The following PIK3R1 variants were observed in gnomAD, a reference collection of about 807,000 sequenced individuals.
PIK3R1 encodes the protein phosphatidylinositol 3-kinase regulatory subunit alpha.
Under a neutral mutation model 98.0 loss-of-function variants are expected in PIK3R1, and 29 were observed. That is an observed-to-expected ratio of 0.30 (90% confidence interval 0.22 to 0.40). The LOEUF (loss-of-function observed/expected upper bound fraction) is 0.40, where lower values mean the gene tolerates loss of function less well. PIK3R1 is among the 10% of genes least tolerant of loss of function. PIK3R1 has a pLI of 1.00. For missense variants in PIK3R1, 596 were observed against 872.7 expected (o/e 0.68, Z 3.99); for synonymous variants, 282 against 311.8 (o/e 0.90, Z 1.01).
At chr5:68,278,684 G>A (rs1433570726) in intron 4 of PIK3R1, among the ~76,000 whole-genome samples, 3 of 152,190 alleles carry the variant, frequency 2.0e-5, no homozygotes, top group Admixed American at 2.0e-4. Context: ...GCTCACACCT[G>A]TAATCCCAGC....
chr5:68,286,142 T>C (rs1747069003), intron 7 of PIK3R1, among the ~76,000 whole-genome samples: 1 of 152,344 alleles, frequency 6.6e-6, no homozygotes, highest in African/African-American at 2.4e-5. Context: ...TTTTCCTAAC[T>C]ATATCTGCTG....
intron 4 of PIK3R1, among the ~76,000 whole-genome samples, chr5:68,275,904 A>C (rs995113403): frequency 1.3e-5 from 2 of 152,230 alleles, no homozygotes; most frequent in Non-Finnish European, 2.9e-5. Flanking sequence ...GGCAGACAAT[A>C]GCCCACTTTT....
At chr5:68,295,679 T>A in intron 14 of PIK3R1, 191 bp downstream of exon 14, 1 of 601,286 alleles carries the variant, frequency 1.7e-6, no homozygotes, top group Non-Finnish European at 3.0e-6. Context: ...GGACTAGGAT[T>A]TATTTTTACT....
chr5:68,223,123 AATCATCATCATCATCATCATC>A (rs60144880), intron 1 of PIK3R1, among the ~76,000 whole-genome samples: 2,400 of 148,018 alleles, frequency 0.016, 78 homozygotes, highest in African/African-American at 0.058. Context: ...GTACAAACTC[AATCATCATCATCATCATCATC>A]ATCATCATCA....
intron 2 of PIK3R1, among the ~76,000 whole-genome samples, chr5:68,232,077 A>C (rs1744499489): frequency 6.6e-6 from 1 of 152,232 alleles, no homozygotes; most frequent in South Asian, 2.1e-4. Flanking sequence ...ATATATTTCT[A>C]CTGAAATATA....
chr5:68,268,103 A>G (rs1746198407), intron 2 of PIK3R1, among the ~76,000 whole-genome samples: 1 of 152,122 alleles, frequency 6.6e-6, no homozygotes, highest in African/African-American at 2.4e-5. Flanking sequence ...TATATTATTT[A>G]ATCCTTATTA....
rs1448963768 is a variant in PIK3R1, at chr5:68,250,664, G to T, written c.335-22726G>T. ...CCACCATTTATAAAGCTTTTTTGGG[G>T]AAAATGTGTTCTGGATTTCGCACAG... is the stretch of plus-strand genomic sequence containing the variant. On this transcript the variant is annotated intron_variant, in intron 2 of 15. Transcript: ENST00000521381. Among the ~76,000 whole-genome samples the T allele has an allele frequency of 5.9e-5, 9 of 152,108 alleles. No homozygotes were observed. The South Asian group carries it at 1.9e-3, about 31-fold the overall frequency.
At position 68,300,997 on chromosome 5, in the gene PIK3R1, G is replaced by T. The variant is rs1380406703; in HGVS notation, c.*3396G>T. 4.3e-6 allele frequency: 1 copy of T among 232,970 alleles called. No individual in the cohort carries two copies. Among genetic ancestry groups the T allele is most frequent in the Non-Finnish European group, 8.5e-6 (1 of 117,760 alleles). The allele number at this position is 232,970 out of a possible 1,614,324, so 14.4% of individuals were successfully genotyped here. On this transcript the variant is annotated 3_prime_UTR_variant, in exon 16 of 16. Transcript: ENST00000521381. ...ATTGCTTTGTCATATAGCTGGTTAT[G>T]AACTAGTAACATGTTTGGGAAGTCC...
chr5:68,279,616 G>T lies in PIK3R1; in HGVS notation c.517G>T (p.Asp173Tyr). The change falls in exon 5 of 16, where the codon GAC becomes TAC. Residue 173 changes from aspartate (D) to tyrosine (Y), a missense_variant. Asp to Tyr is a radical substitution (Grantham distance 160, BLOSUM62 -3). Transcript: ENST00000521381. ...TTGTTTCCTAGATACACCCTCCGTGGACTTGGAAATGATCGATGTGCACGT... is the reference window on the plus strand; with the variant it reads ...TTGTTTCCTAGATACACCCTCCGTGTACTTGGAAATGATCGATGTGCACGT... The part of the protein sequence containing the change: ...QLLDCDTPSV[D>Y]LEMIDVHVLA... The T allele has an allele frequency of 1.2e-6, 2 of 1,613,464 alleles. No individual in the cohort carries two copies. The highest frequency in any genetic ancestry group is 1.7e-6 in the Non-Finnish European group (2 of 1,179,690).
At chr5:68,281,187 T>A (rs906741001) in intron 7 of PIK3R1, among the ~76,000 whole-genome samples, 181 bp downstream of exon 7, 1 of 152,256 alleles carries the variant, frequency 6.6e-6, no homozygotes, top group Non-Finnish European at 1.5e-5. Flanking sequence ...TTAATTATTA[T>A]CCGAGTTTCA....
At chr5:68,240,346 T>C (rs1467856679) in intron 2 of PIK3R1, among the ~76,000 whole-genome samples, 2 of 152,244 alleles carry the variant, frequency 1.3e-5, no homozygotes, top group Admixed American at 6.5e-5. Context: ...TGTACAGTTA[T>C]ATTGTAACTG....
At position 68,221,474 on chromosome 5, in the gene PIK3R1, T is replaced by A. The variant is rs146849559; in HGVS notation, c.-386-4816T>A. ...CCCTTCCATACCCTCCTGCCTTGGT[T>A]GAAGACCCATTTCGTGCTGCCATCC... On this transcript the variant is annotated intron_variant, in intron 1 of 15. Transcript: ENST00000521381. Among the ~76,000 whole-genome samples the A allele has an allele frequency of 5.4e-3, 820 of 152,332 alleles. 6 individuals are homozygous for A. The highest frequency in any genetic ancestry group is 0.019 in the African/African-American group (797 of 41,568).
intron 2 of PIK3R1, among the ~76,000 whole-genome samples, chr5:68,253,983 C>CTTTTT (rs5868528): frequency 7.7e-6 from 1 of 129,588 alleles, no homozygotes; most frequent in Non-Finnish European, 1.6e-5. Context: ...CGTGGACCCC[C>CTTTTT]TTTTTTTTTT....
At chr5:68,252,321 G>T (rs1488283386) in intron 2 of PIK3R1, among the ~76,000 whole-genome samples, 1 of 151,016 alleles carries the variant, frequency 6.6e-6, no homozygotes, top group African/African-American at 2.4e-5. Flanking sequence ...TAAGTTGGCA[G>T]ATATGCTTAT....
chr5:68,296,321 C>A lies in PIK3R1; in HGVS notation c.1965C>A (p.Gly655=), dbSNP rs778812889. Residue 655 remains glycine, a synonymous_variant, in exon 15 of 16, where the codon GGC becomes GGA. Transcript: ENST00000521381. ...TTGTCCGGGAGAGCAGTAAACAGGG[C>A]TGCTATGCCTGCTCTGTAGTGTATG... The part of the protein sequence containing the change: ...TFLVRESSKQ[G]CYACSVVVDG... The A allele has an allele frequency of 6.2e-7, 1 of 1,614,052 alleles. No individual in the cohort carries two copies. The highest frequency in any genetic ancestry group is 1.1e-5 in the South Asian group (1 of 91,044).
At position 68,300,825 on chromosome 5, in the gene PIK3R1, A is replaced by G. The variant is rs957491151; in HGVS notation, c.*3224A>G. ...GTGAAAATTGTTTGTAAGTGAAGTG[A>G]GAAGTTCATATTTCTTTGGCTTTTT... is the stretch of plus-strand genomic sequence containing the variant. On this transcript the variant is annotated 3_prime_UTR_variant, in exon 16 of 16. Transcript: ENST00000521381. 3 of 233,182 alleles carry G rather than the reference A, an allele frequency of 1.3e-5. No individual in the cohort carries two copies. The East Asian group carries it at 1.8e-4, about 14-fold the overall frequency. The allele number at this position is 233,182 out of a possible 1,614,324, so 14.4% of individuals were successfully genotyped here.
intron 5 of PIK3R1, chr5:68,280,205 G>A: frequency 2.6e-6 from 1 of 380,586 alleles, no homozygotes; most frequent in African/African-American, 2.0e-5. Context: ...TAAAACCTGT[G>A]ATACTTATCT....
At chr5:68,241,379 AT>A (rs58188958) in intron 2 of PIK3R1, among the ~76,000 whole-genome samples, 40,978 of 115,634 alleles carry the variant, frequency 0.35, 5,830 homozygotes, top group Middle Eastern at 0.44. Context: ...GGTGGTTACA[AT>A]TTTTTTTGTT....
At chr5:68,292,101 T>A (rs1747425075) in intron 7 of PIK3R1, 158 bp from the exon 8 acceptor site, 3 of 454,762 alleles carry the variant, frequency 6.6e-6, no homozygotes, top group Admixed American at 7.7e-5. Flanking sequence ...AGATTTTTTT[T>A]AAGAAAATTA....
Sources: gnomAD v4.1 joint callset for allele counts (sites outside exome capture counted in the v4.1 genomes callset) on GRCh38, gnomAD v4.1.1 for gene constraint, MANE v1.5 for transcripts, NCBI Gene and HGNC (gene_info 2026-07-23, HGNC 2026-07-21) for gene names.